Variants in ZNF516 observed in about 807,000 individuals in gnomAD.
ZNF516 encodes the protein zinc finger protein 516.
ZNF516 carries 19 observed loss-of-function variants against 79.7 expected under a neutral mutation model. The observed-to-expected ratio is 0.24, with a 90% CI of 0.17 to 0.35. ZNF516 has a LOEUF of 0.35. Ranked by LOEUF, ZNF516 falls within the 10% of genes least tolerant of loss-of-function variation. ZNF516 has a pLI of 1.00. For missense variants in ZNF516, 1,678 were observed against 1,679.5 expected (o/e 1.00, Z 0.02); for synonymous variants, 877 against 739.5 (o/e 1.19, Z -3.02).
intron 3 of ZNF516, among the ~76,000 whole-genome samples, chr18:76,392,422 C>G (rs2075086619): frequency 6.6e-6 from 1 of 152,112 alleles, no homozygotes; most frequent in South Asian, 2.1e-4. Flanking sequence ...CACAAGTCAC[C>G]CAGGAAGTAG....
intron 3 of ZNF516, among the ~76,000 whole-genome samples, chr18:76,410,764 C>T (rs1486239980): frequency 6.6e-6 from 1 of 152,198 alleles, no homozygotes; most frequent in Non-Finnish European, 1.5e-5. Flanking sequence ...AGGATTCTTC[C>T]TCACCTCCTA....
At position 76,443,011 on chromosome 18, in the gene ZNF516, G is replaced by C. The variant is rs773276285; in HGVS notation, c.44C>G (p.Pro15Arg). The change falls in exon 3 of 7, where the codon CCC becomes CGC. Residue 15 changes from proline (P) to arginine (R), a missense_variant. Coordinates refer to ENST00000443185, the MANE Select transcript of ZNF516 (RefSeq NM_014643.4). ...GCCCCGGCCGGCCCTGGTGGGGCTG[G>C]GGCCTCGCCTCAGCTCCATCTCGGC... ...REAEMELRRG[P>R]SPTRAGRGHE... The C allele has an allele frequency of 6.3e-7, 1 of 1,599,634 alleles. No homozygotes were observed. Among genetic ancestry groups the C allele is most frequent in the Admixed American group, 1.7e-5 (1 of 59,556 alleles).
intron 3 of ZNF516, among the ~76,000 whole-genome samples, chr18:76,391,366 C>G (rs1423582146): frequency 1.3e-5 from 2 of 152,120 alleles, no homozygotes; most frequent in African/African-American, 4.8e-5. Context: ...TCCTAACCCC[C>G]TCAACCCTAA....
intron 2 of ZNF516, among the ~76,000 whole-genome samples, chr18:76,456,139 G>C (rs1912708914): frequency 6.6e-6 from 1 of 152,186 alleles, no homozygotes; most frequent in Admixed American, 6.5e-5. Context: ...CTCTTCTCAG[G>C]AGCCCTGGCG....
At chr18:76,494,991 G>A (rs896800084) in intron 1 of ZNF516, among the ~76,000 whole-genome samples, 153 bp downstream of exon 1, 3 of 147,794 alleles carry the variant, frequency 2.0e-5, no homozygotes, top group South Asian at 2.2e-4. Context: ...CGCCCGGGGG[G>A]CCCCTCCCCG....
At chr18:76,408,133 A>G (rs2075326192) in intron 3 of ZNF516, among the ~76,000 whole-genome samples, 1 of 152,230 alleles carries the variant, frequency 6.6e-6, no homozygotes, top group African/African-American at 2.4e-5. Context: ...TGAGGCTGCT[A>G]CATTTGGGGA....
At chr18:76,450,415 C>T (rs1270824594) in intron 2 of ZNF516, among the ~76,000 whole-genome samples, 1 of 138,084 alleles carries the variant, frequency 7.2e-6, no homozygotes, top group East Asian at 2.5e-4. Flanking sequence ...TGGGAAACTA[C>T]CTTTAGTTAA....
intron 3 of ZNF516, among the ~76,000 whole-genome samples, chr18:76,430,717 T>G (rs2075650494): frequency 6.6e-6 from 1 of 152,202 alleles, no homozygotes; most frequent in South Asian, 2.1e-4. Context: ...TGTATTAAAT[T>G]TGGAAGAGAA....
rs373097185 is a variant in ZNF516 at position 76,473,597 on chromosome 18, G to C, written c.-271-10456C>G. 5.7e-4 allele frequency among the ~76,000 whole-genome samples: 87 copies of C among 151,958 alleles called. No homozygotes were observed. In the East Asian group the frequency reaches 9.9e-3, roughly 17 times the overall value. On this transcript the variant is annotated intron_variant, in intron 1 of 6. Coordinates refer to ENST00000443185, the MANE Select transcript of ZNF516 (RefSeq NM_014643.4). Reference sequence around the variant, plus strand: ...TGGGCGGATCACGAGGTCAGGAGATGGAGACCATCCTAGCTAACACGGTGA... The same window carrying C: ...TGGGCGGATCACGAGGTCAGGAGATCGAGACCATCCTAGCTAACACGGTGA...
intron 1 of ZNF516, among the ~76,000 whole-genome samples, chr18:76,473,355 C>CAAAAAAAAAAAAAA: frequency 1.1e-5 from 1 of 87,666 alleles, no homozygotes; most frequent in Non-Finnish European, 2.1e-5. Context: ...TTGCTCTCTG[C>CAAAAAAAAAAAAAA]AAAAAAAAAA....
intron 2 of ZNF516, among the ~76,000 whole-genome samples, chr18:76,456,243 C>G (rs1053823419): frequency 2.2e-4 from 33 of 152,222 alleles, no homozygotes; most frequent in African/African-American, 6.5e-4. Context: ...TTCTGCCTTG[C>G]TAACTCTGGG....
At position 76,467,834 on chromosome 18, in the gene ZNF516, C is replaced by T. The variant is rs184091936; in HGVS notation, c.-271-4693G>A. Among the ~76,000 whole-genome samples, 2 of 152,364 alleles carry T rather than the reference C, an allele frequency of 1.3e-5. No individual in the cohort carries two copies. The highest frequency in any genetic ancestry group is 2.4e-5 in the African/African-American group (1 of 41,584). On this transcript the variant is annotated intron_variant, in intron 1 of 6. Coordinates refer to ENST00000443185, the MANE Select transcript of ZNF516 (RefSeq NM_014643.4). The surrounding 1 kb of genome is among the most constrained non-coding windows in gnomAD (Gnocchi z 4.2). Reference sequence around the variant, plus strand: ...TTCAAGTCCAGTTATCGAATAACTACATGCATCCCATCCCGCTCAGGGCAG... The same window carrying T: ...TTCAAGTCCAGTTATCGAATAACTATATGCATCCCATCCCGCTCAGGGCAG...
At chr18:76,488,214 A>G (rs1000553210) in intron 1 of ZNF516, 2 of 985,264 alleles carry the variant, frequency 2.0e-6, no homozygotes, top group Admixed American at 6.2e-5. Context: ...GCAGCTCCCA[A>G]CAACAGAGTA....
At chr18:76,400,079 C>A (rs2187103) in intron 3 of ZNF516, among the ~76,000 whole-genome samples, 1 of 152,090 alleles carries the variant, frequency 6.6e-6, no homozygotes, top group Non-Finnish European at 1.5e-5. Flanking sequence ...TTCCTGCACA[C>A]GCCCCCACTT....
In ZNF516 at chr18:76,474,348, T is replaced by A. The variant is rs59538155; in HGVS notation, c.-271-11207A>T. 2.8e-3 allele frequency among the ~76,000 whole-genome samples: 428 copies of A among 152,290 alleles called. 3 individuals are homozygous for A. The highest frequency in any genetic ancestry group is 9.8e-3 in the African/African-American group (408 of 41,560). Reference sequence around the variant, plus strand: ...TTAACCACAAGGAAGGCTCTAAAAGTTCCATAAATTCAAAACAGTACAGGT... The same window carrying A: ...TTAACCACAAGGAAGGCTCTAAAAGATCCATAAATTCAAAACAGTACAGGT... On this transcript the variant is annotated intron_variant, in intron 1 of 6. Transcript: ENST00000443185.
At chr18:76,376,930 C>A (rs969480766) in intron 4 of ZNF516, among the ~76,000 whole-genome samples, 1 of 152,214 alleles carries the variant, frequency 6.6e-6, no homozygotes, top group Non-Finnish European at 1.5e-5. Context: ...CACAACAGCA[C>A]AGACCTCACC....
intron 3 of ZNF516, among the ~76,000 whole-genome samples, chr18:76,407,833 T>C (rs1049037610): frequency 6.6e-6 from 1 of 152,104 alleles, no homozygotes; most frequent in African/African-American, 2.4e-5. Context: ...TTCCACAGTG[T>C]TCACTTCCCT....
At chr18:76,391,130 G>C (rs138325446) in intron 3 of ZNF516, among the ~76,000 whole-genome samples, 11 of 152,136 alleles carry the variant, frequency 7.2e-5, no homozygotes, top group Non-Finnish European at 1.5e-4. Context: ...AATCATTAAG[G>C]AGGGCTGCGA....
At chr18:76,420,966 C>T (rs1568276758) in intron 3 of ZNF516, among the ~76,000 whole-genome samples, 1 of 152,092 alleles carries the variant, frequency 6.6e-6, no homozygotes. Context: ...TTTGGTGGTG[C>T]CCAAAAGGAG....
Sources: allele counts gnomAD v4.1 joint callset (sites outside exome capture counted in the v4.1 genomes callset), GRCh38; gene constraint gnomAD v4.1.1; non-coding constraint Gnocchi (gnomAD v3.1); transcripts MANE v1.5; gene names NCBI Gene and HGNC (gene_info 2026-07-23, HGNC 2026-07-21).